Variants in CNOT2 observed in about 807,000 individuals in gnomAD.
CNOT2 encodes the protein CCR4-NOT transcription complex subunit 2, also known as CC chemokine receptor 4-negative regulator of transcription 2.
In CNOT2, 7 loss-of-function variants were observed where a neutral mutation model predicts 72.1. The observed-to-expected ratio is 0.10, with a 90% CI of 0.06 to 0.18. CNOT2 has a LOEUF of 0.18. Among genes scored for constraint, CNOT2 ranks in the 10% least tolerant of loss-of-function variants. The probability of loss-of-function intolerance (pLI) is 1.00; values close to 1 mark genes in which losing one functional copy is unlikely to be tolerated. For missense variants in CNOT2, 345 were observed against 660.3 expected (o/e 0.52, Z 5.23); for synonymous variants, 196 against 225.6 (o/e 0.87, Z 1.17).
At chr12:70,315,987 A>G (rs891946916) in intron 3 of CNOT2, among the ~76,000 whole-genome samples, 1 of 152,148 alleles carries the variant, frequency 6.6e-6, no homozygotes, top group African/African-American at 2.4e-5. Context: ...ACTGAGGGGA[A>G]GATTAGATTA....
chr12:70,296,705 A>G (rs547851169), intron 2 of CNOT2, among the ~76,000 whole-genome samples: 1 of 151,718 alleles, frequency 6.6e-6, no homozygotes, highest in South Asian at 2.1e-4. Flanking sequence ...TTGTTCTTTA[A>G]GAAGCTAGAA....
At chr12:70,257,399 C>T (rs1308997063) in intron 1 of CNOT2, among the ~76,000 whole-genome samples, 5 of 133,344 alleles carry the variant, frequency 3.7e-5, no homozygotes, top group African/African-American at 2.7e-5. Flanking sequence ...CTCGCTCTTT[C>T]GCCCAGGCTG....
intron 1 of CNOT2, among the ~76,000 whole-genome samples, chr12:70,258,365 AATGTAGGTTAAG>A (rs1178316452): frequency 6.6e-6 from 1 of 152,212 alleles, no homozygotes; most frequent in Non-Finnish European, 1.5e-5. Context: ...TAACACTGAA[AATGTAGGTTAAG>A]ATGTTATGTT....
At position 70,353,908 on chromosome 12, in the gene CNOT2, C is replaced by G. The variant is rs1371754170; in HGVS notation, c.1616C>G (p.Ala539Gly). 2 of 1,509,684 alleles carry G rather than the reference C, an allele frequency of 1.3e-6. No homozygotes were observed. The highest frequency in any genetic ancestry group is 1.8e-6 in the Non-Finnish European group (2 of 1,135,494). The allele number at this position is 1,509,684 out of a possible 1,614,324, so 93.5% of individuals were successfully genotyped here. A position where few individuals can be genotyped will look rare whatever the true frequency, so the allele number is the denominator to read the frequency against. ...TTCAACTACAACCCTGCTCAGCAAGCCTTCTAAAAAAAAAAAAAAAAAAAA... is the reference window on the plus strand; with the variant it reads ...TTCAACTACAACCCTGCTCAGCAAGGCTTCTAAAAAAAAAAAAAAAAAAAA... ...STFNYNPAQQAF is the reference protein window; with the variant it reads ...STFNYNPAQQGF The change falls in exon 16 of 16, where the codon GCC becomes GGC. Residue 539 changes from alanine to glycine, a missense_variant. Around this residue, in one of 4 missense-constraint regions of CNOT2, gnomAD observed 53 missense variants for 153.4 expected, o/e 0.35. Coordinates refer to ENST00000229195, the MANE Select transcript of CNOT2 (RefSeq NM_014515.7).
intron 2 of CNOT2, chr12:70,285,666 T>C (rs1870761421): frequency 6.6e-6 from 1 of 151,562 alleles, no homozygotes; most frequent in African/African-American, 2.4e-5. Flanking sequence ...AAACTAAAAC[T>C]CGTGAAACAT....
chr12:70,343,423 C>G (rs1442129962), intron 13 of CNOT2, among the ~76,000 whole-genome samples: 1 of 152,080 alleles, frequency 6.6e-6, no homozygotes. Flanking sequence ...GTTTGGTAAG[C>G]AGTTATGTTT....
chr12:70,286,828 G>A (rs1419518348), intron 2 of CNOT2, among the ~76,000 whole-genome samples: 1 of 150,572 alleles, frequency 6.6e-6, no homozygotes, highest in Admixed American at 6.7e-5. Flanking sequence ...GAATCGATAA[G>A]TTTATGTATT....
intron 2 of CNOT2, among the ~76,000 whole-genome samples, chr12:70,288,203 G>A (rs1871253183): frequency 7.9e-6 from 1 of 126,480 alleles, no homozygotes. Context: ...GAGTGCAATG[G>A]TACGATCTTG....
At chr12:70,339,369 T>A (rs1231298914) in intron 11 of CNOT2, among the ~76,000 whole-genome samples, 1 of 152,148 alleles carries the variant, frequency 6.6e-6, no homozygotes, top group Non-Finnish European at 1.5e-5. Context: ...TTCTTCGGTA[T>A]TTTAACTGTT....
chr12:70,345,546 A>T (rs765175227), intron 14 of CNOT2: 38 of 152,220 alleles, frequency 2.5e-4, no homozygotes, highest in South Asian at 6.2e-4. Context: ...GTGGGACATT[A>T]CCTCCTCTGG....
chr12:70,315,952 C>T (rs546275100), intron 3 of CNOT2, among the ~76,000 whole-genome samples: 2 of 152,274 alleles, frequency 1.3e-5, no homozygotes, highest in South Asian at 4.1e-4. Flanking sequence ...TGCCCCCTCT[C>T]ACTCCTATTA....
chr12:70,313,725 A>G (rs778083522), intron 3 of CNOT2, among the ~76,000 whole-genome samples: 1 of 152,156 alleles, frequency 6.6e-6, no homozygotes, highest in Non-Finnish European at 1.5e-5. Flanking sequence ...AGGCCTTTAT[A>G]TAACCATCTG....
intron 15 of CNOT2, among the ~76,000 whole-genome samples, chr12:70,350,000 C>G (rs188687988): frequency 1.3e-4 from 19 of 151,660 alleles, no homozygotes; most frequent in Non-Finnish European, 2.4e-4. Flanking sequence ...AGAGCCAGAT[C>G]CTATTTTTTT....
chr12:70,288,973 T>C (rs1237776202), intron 2 of CNOT2, among the ~76,000 whole-genome samples: 2 of 152,102 alleles, frequency 1.3e-5, no homozygotes, highest in Non-Finnish European at 2.9e-5. Flanking sequence ...TTCCCATCTT[T>C]TCCTGTTTTT....
chr12:70,254,996 A>C (rs549662153), intron 1 of CNOT2, among the ~76,000 whole-genome samples: 1 of 149,554 alleles, frequency 6.7e-6, no homozygotes, highest in African/African-American at 2.5e-5. Context: ...AAAAAAAAAA[A>C]AAGAAGAAGA....
intron 1 of CNOT2, among the ~76,000 whole-genome samples, chr12:70,271,692 T>C (rs1011240315): frequency 1.6e-4 from 25 of 152,088 alleles, no homozygotes; most frequent in Admixed American, 8.5e-4. Context: ...TCTTGAACCA[T>C]GTGGGAAAGT....
chr12:70,243,670 G>A (rs1372551999), intron 1 of CNOT2, 190 bp downstream of exon 1: 1 of 150,944 alleles, frequency 6.6e-6, no homozygotes, highest in South Asian at 2.1e-4. Flanking sequence ...GGAGAGCGGA[G>A]CGGGCGGGGA....
intron 4 of CNOT2, among the ~76,000 whole-genome samples, chr12:70,328,578 A>T (rs1879440879): frequency 6.6e-6 from 1 of 151,926 alleles, no homozygotes; most frequent in African/African-American, 2.4e-5. Context: ...GTCTATGATA[A>T]TTATCCTGGA....
At chr12:70,316,282 T>G (rs1054406713) in intron 3 of CNOT2, among the ~76,000 whole-genome samples, 1 of 152,184 alleles carries the variant, frequency 6.6e-6, no homozygotes, top group African/African-American at 2.4e-5. Flanking sequence ...ATTATTAACT[T>G]TCAGAATTTA....
Sources: gnomAD v4.1 joint callset for allele counts (sites outside exome capture counted in the v4.1 genomes callset) on GRCh38, gnomAD v4.1.1 for gene constraint, gnomAD v4.1.1 regional missense constraint, MANE v1.5 for transcripts, NCBI Gene and HGNC (gene_info 2026-07-23, HGNC 2026-07-21) for gene names.